ALG14: variants seen among roughly 807,000 people sequenced by gnomAD.
ALG14 encodes the protein ALG14 UDP-N-acetylglucosaminyltransferase subunit.
In ALG14, 17 loss-of-function variants were observed where a neutral mutation model predicts 22.8. The ratio of observed to expected loss-of-function variants is 0.75; its 90% CI spans 0.51 to 1.12. ALG14 has a LOEUF of 1.12. Ranked by LOEUF, ALG14 falls within the 50% of genes most tolerant of loss-of-function variation. ALG14 has a pLI of 0.00. For missense variants in ALG14, 288 were observed against 271.8 expected (o/e 1.06, Z -0.42); for synonymous variants, 89 against 103.7 (o/e 0.86, Z 0.86).
At chr1:95,009,699 T>C (rs1043629768) in intron 3 of ALG14, among the ~76,000 whole-genome samples, 5 of 152,268 alleles carry the variant, frequency 3.3e-5, no homozygotes, top group African/African-American at 1.2e-4. Flanking sequence ...TGGAGGAGAC[T>C]AAGGAGATCT....
chr1:95,040,189 A>T (rs1459973185), intron 2 of ALG14, among the ~76,000 whole-genome samples: 1 of 151,354 alleles, frequency 6.6e-6, no homozygotes, highest in East Asian at 1.9e-4. Context: ...ATAAATAAAT[A>T]AATAAATAAA....
rs1284893990 is a variant in ALG14, at chr1:95,011,024, T to C, written c.420+16105A>G. ...ATATTTAGAATACTGTGTGTTGACC[T>C]GGCCTCACTATAATCAGAAAGTCAA... On this transcript the variant is annotated intron_variant, in intron 3 of 3. Coordinates refer to ENST00000370205, the MANE Select transcript of ALG14 (RefSeq NM_144988.4). Among the ~76,000 whole-genome samples, 5 of 152,320 alleles carry C rather than the reference T, an allele frequency of 3.3e-5. No individual in the cohort carries two copies. In the East Asian group the frequency reaches 5.8e-4, roughly 18 times the overall value.
intron 3 of ALG14, among the ~76,000 whole-genome samples, chr1:95,026,462 ATGTGTGTGTGTGTGTGTGTG>A (rs141495807): frequency 7.0e-6 from 1 of 142,250 alleles, no homozygotes; most frequent in African/African-American, 2.6e-5. Context: ...AGCCCAAGGA[ATGTGTGTGTGTGTGTGTGTG>A]TGTGTGTGTG....
chr1:95,027,037 A>G, intron 3 of ALG14, 92 bp downstream of exon 3: 1 of 1,475,382 alleles, frequency 6.8e-7, no homozygotes, highest in Non-Finnish European at 9.2e-7. Flanking sequence ...ACACTAATAA[A>G]TGGTAGCTGT....
chr1:95,071,358 C>T (rs1469678481), intron 1 of ALG14, among the ~76,000 whole-genome samples: 2 of 151,936 alleles, frequency 1.3e-5, no homozygotes, highest in African/African-American at 2.4e-5. Flanking sequence ...CAGCCTTGGT[C>T]AACATGGTGA....
chr1:94,998,155 G>C (rs1055657818), intron 3 of ALG14, among the ~76,000 whole-genome samples: 1 of 152,198 alleles, frequency 6.6e-6, no homozygotes, highest in African/African-American at 2.4e-5. Context: ...GGAGAATGTA[G>C]ACAGTCTATT....
intron 3 of ALG14, among the ~76,000 whole-genome samples, chr1:94,993,069 T>C (rs1672813005): frequency 6.7e-6 from 1 of 149,812 alleles, no homozygotes. Context: ...GTCACAGGCA[T>C]AGCATTGACC....
At chr1:95,047,533 G>A (rs886653132) in intron 2 of ALG14, among the ~76,000 whole-genome samples, 13 of 152,026 alleles carry the variant, frequency 8.6e-5, no homozygotes, top group African/African-American at 2.9e-4. Flanking sequence ...TGGTAGACAC[G>A]GGGTTTCACC....
chr1:95,037,947 C>T (rs1674251611), intron 2 of ALG14, among the ~76,000 whole-genome samples: 1 of 152,188 alleles, frequency 6.6e-6, no homozygotes, highest in Non-Finnish European at 1.5e-5. Context: ...AAGGAACTCA[C>T]TGCAGTCTAT....
intron 2 of ALG14, among the ~76,000 whole-genome samples, chr1:95,037,924 A>T (rs1674250406): frequency 6.6e-6 from 1 of 152,234 alleles, no homozygotes; most frequent in African/African-American, 2.4e-5. Flanking sequence ...ACAGAGGTGA[A>T]TAAGACATTC....
chr1:95,012,822 T>C (rs1169249612), intron 3 of ALG14, among the ~76,000 whole-genome samples: 2 of 152,188 alleles, frequency 1.3e-5, no homozygotes, highest in Non-Finnish European at 2.9e-5. Context: ...GTCTTTCTTG[T>C]ATTTGTCCTG....
chr1:94,998,908 C>T (rs1337383322), intron 3 of ALG14, among the ~76,000 whole-genome samples: 2 of 152,046 alleles, frequency 1.3e-5, no homozygotes, highest in African/African-American at 4.8e-5. Flanking sequence ...TTGTATTCAG[C>T]CCCTATCGCA....
Position 94,983,243 on chromosome 1 carries a change from GT to G in ALG14, c.483del (p.Leu162Ter). The G allele has an allele frequency of 6.2e-7, 1 of 1,614,058 alleles. No homozygotes were observed. Among genetic ancestry groups the G allele is most frequent in the Non-Finnish European group, 8.5e-7 (1 of 1,180,018 alleles). ...ACAATGATCACTTTCTTTATTCCTA[GT>G]ATCCCAAGGAGAAGGGCAGATACAC... ...PICVSALLLG[I>X]LGIKKVIIVY... On this transcript the variant is annotated frameshift_variant, in exon 4 of 4. Transcript: ENST00000370205. LOFTEE classifies it high-confidence loss of function.
chr1:95,037,328 T>C (rs1674232988), intron 2 of ALG14, among the ~76,000 whole-genome samples: 1 of 152,158 alleles, frequency 6.6e-6, no homozygotes, highest in African/African-American at 2.4e-5. Context: ...CTGGCTACAA[T>C]GATTAGCTGA....
At chr1:95,025,155 T>C (rs1290184415) in intron 3 of ALG14, among the ~76,000 whole-genome samples, 1 of 152,194 alleles carries the variant, frequency 6.6e-6, no homozygotes, top group East Asian at 1.9e-4. Flanking sequence ...TCCTTGTATA[T>C]CTCCATCAGA....
intron 3 of ALG14, among the ~76,000 whole-genome samples, chr1:95,023,181 T>C (rs1673714238): frequency 6.6e-6 from 1 of 151,972 alleles, no homozygotes; most frequent in Non-Finnish European, 1.5e-5. Flanking sequence ...CAGGCTGGGG[T>C]GCAATGATCT....
In ALG14 at chr1:94,994,746, G is replaced by A. The variant is rs57345704; in HGVS notation, c.421-11440C>T. 4.5e-3 allele frequency among the ~76,000 whole-genome samples: 688 copies of A among 152,278 alleles called. 7 individuals are homozygous for A. Among genetic ancestry groups the A allele is most frequent in the African/African-American group, 0.015 (620 of 41,564 alleles). On this transcript the variant is annotated intron_variant, in intron 3 of 3. Coordinates refer to ENST00000370205, the MANE Select transcript of ALG14 (RefSeq NM_144988.4). ...ACTAGGTCCAGCTTTTGTTAGAAGTGGGCTTAAGGCAAGAGGGTTCTAAGA... is the reference window on the plus strand; with the variant it reads ...ACTAGGTCCAGCTTTTGTTAGAAGTAGGCTTAAGGCAAGAGGGTTCTAAGA...
At chr1:94,997,555 G>A (rs1672940119) in intron 3 of ALG14, among the ~76,000 whole-genome samples, 1 of 152,200 alleles carries the variant, frequency 6.6e-6, no homozygotes, top group African/African-American at 2.4e-5. Flanking sequence ...ATGGGCTCTG[G>A]AGCCTGACTG....
chr1:95,027,367 T>C, intron 2 of ALG14, 107 bp from the exon 3 acceptor site: 1 of 1,351,322 alleles, frequency 7.4e-7, no homozygotes, highest in Non-Finnish European at 1.0e-6. Context: ...TTAATTTAAA[T>C]TTTCATTCTA....
Sources: gnomAD v4.1 joint callset for allele counts (sites outside exome capture counted in the v4.1 genomes callset) on GRCh38, gnomAD v4.1.1 for gene constraint, MANE v1.5 for transcripts, NCBI Gene and HGNC (gene_info 2026-07-23, HGNC 2026-07-21) for gene names.